ABL1: variants seen among roughly 807,000 people sequenced by gnomAD.
The protein encoded by ABL1 is ABL proto-oncogene 1, non-receptor tyrosine kinase.
A neutral mutation model predicts 94.7 loss-of-function variants in ABL1; 11 were observed. The observed-to-expected ratio is 0.12, with a 90% CI of 0.07 to 0.19. The LOEUF (loss-of-function observed/expected upper bound fraction) is 0.19, where lower values mean the gene tolerates loss of function less well. ABL1 is among the 10% of genes least tolerant of loss of function. The pLI, the probability that ABL1 is intolerant of heterozygous loss-of-function variation, is 1.00. For synonymous variants in ABL1, 656 were observed against 622.4 expected (o/e 1.05, Z -0.80); for missense variants, 1,082 against 1,489.4 (o/e 0.73, Z 4.50).
At chr9:130,845,958 G>A (rs895361248) in intron 1 of ABL1, among the ~76,000 whole-genome samples, 3 of 152,078 alleles carry the variant, frequency 2.0e-5, no homozygotes, top group African/African-American at 4.8e-5. Context: ...TCCAAGGAGC[G>A]GGGCTACTGC....
At chr9:130,784,228 G>C (rs903148350) in intron 1 of ABL1, among the ~76,000 whole-genome samples, 2 of 152,124 alleles carry the variant, frequency 1.3e-5, no homozygotes, top group African/African-American at 4.8e-5. Flanking sequence ...TGGCATCTTC[G>C]ATTTGAAGAA....
rs149806264 is a variant in ABL1, at chr9:130,724,064, C to G, written c.136+9609C>G. 4.3e-3 allele frequency among the ~76,000 whole-genome samples: 655 copies of G among 152,148 alleles called. 2 individuals carry two copies. The highest frequency in any genetic ancestry group is 0.014 in the African/African-American group (597 of 41,498). ...TGACCTCGTTATCCACCTGCCTTGG[C>G]CTTCCAAAGTGCTGGGATTACAGGC... On this transcript the variant is annotated intron_variant, in intron 1 of 10. Transcript: ENST00000372348.
At chr9:130,836,718 G>T (rs1830591680) in intron 1 of ABL1, among the ~76,000 whole-genome samples, 1 of 151,564 alleles carries the variant, frequency 6.6e-6, no homozygotes, top group Admixed American at 6.6e-5. Flanking sequence ...CCAGCTACTC[G>T]GGAGGCTGAG....
chr9:130,809,419 T>A (rs11244150), intron 1 of ABL1, among the ~76,000 whole-genome samples: 7,821 of 68,190 alleles, frequency 0.11, 200 homozygotes, highest in South Asian at 0.22. Flanking sequence ...AGAGAGAGAG[T>A]GTGTGTGTGT....
intron 1 of ABL1, among the ~76,000 whole-genome samples, chr9:130,748,929 A>G (rs1039056492): frequency 6.6e-6 from 1 of 152,158 alleles, no homozygotes; most frequent in Non-Finnish European, 1.5e-5. Context: ...CTTATTTACT[A>G]CCAAATAATC....
At chr9:130,779,589 G>C (rs760413093) in intron 1 of ABL1, among the ~76,000 whole-genome samples, 1 of 152,162 alleles carries the variant, frequency 6.6e-6, no homozygotes. Context: ...TGCTTGGGGA[G>C]GGGGAGGTTA....
intron 1 of ABL1, among the ~76,000 whole-genome samples, chr9:130,847,279 T>A (rs1209596027): frequency 1.3e-5 from 2 of 152,110 alleles, no homozygotes; most frequent in Non-Finnish European, 1.5e-5. Context: ...ACTAAAAAAA[T>A]TTAAGAATAA....
At chr9:130,786,407 A>G (rs1351453499) in intron 1 of ABL1, among the ~76,000 whole-genome samples, 1 of 152,220 alleles carries the variant, frequency 6.6e-6, no homozygotes, top group Non-Finnish European at 1.5e-5. Flanking sequence ...CTGTGATTAG[A>G]CTAATGGATG....
chr9:130,853,738 A>G (rs544161486), intron 1 of ABL1, among the ~76,000 whole-genome samples: 2 of 152,306 alleles, frequency 1.3e-5, no homozygotes, highest in East Asian at 3.9e-4. Flanking sequence ...TTCATTGCAT[A>G]TTTTAAGCAA....
intron 1 of ABL1, among the ~76,000 whole-genome samples, chr9:130,778,666 T>A (rs1829705110): frequency 6.6e-6 from 1 of 151,542 alleles, no homozygotes; most frequent in African/African-American, 2.4e-5. Context: ...CACTTTCAGA[T>A]CCCCCAGTTT....
At chr9:130,808,472 G>A (rs944819251) in intron 1 of ABL1, among the ~76,000 whole-genome samples, 5 of 152,072 alleles carry the variant, frequency 3.3e-5, no homozygotes, top group African/African-American at 1.2e-4. Flanking sequence ...TCGAACTCCT[G>A]ACCTCAGGTG....
intron 1 of ABL1, among the ~76,000 whole-genome samples, chr9:130,765,008 A>T (rs1832164004): frequency 6.6e-6 from 1 of 151,430 alleles, no homozygotes; most frequent in Non-Finnish European, 1.5e-5. Flanking sequence ...TAGTGTGCTG[A>T]TTAACCAAAG....
At chr9:130,878,874 ATTTT>A (rs943552961) in intron 8 of ABL1, among the ~76,000 whole-genome samples, 2 of 127,282 alleles carry the variant, frequency 1.6e-5, no homozygotes, top group Non-Finnish European at 3.3e-5. Flanking sequence ...TCATGAGGTG[ATTTT>A]TTTTTTTTTT....
Position 130,880,387 on chromosome 9 carries a change from A to T in ABL1, c.1514-113A>T. ...TCCGGTATCCACGTGCCTTTTCTTT[A>T]GTTGTATGCAGATGAGCACTGTTAC... On this transcript the variant is annotated intron_variant, in intron 9 of 10. Transcript: ENST00000318560. This position sits in a 1 kb window ranked among gnomAD's most constrained non-coding sequence, Gnocchi z 4.4. 1.5e-6 allele frequency: 2 copies of T among 1,316,024 alleles called. No individual in the cohort carries two copies. Among genetic ancestry groups the T allele is most frequent in the Non-Finnish European group, 2.1e-6 (2 of 949,280 alleles). The allele number at this position is 1,316,024 out of a possible 1,614,324, so 81.5% of individuals were successfully genotyped here.
chr9:130,726,048 G>T (rs1402644580), intron 1 of ABL1, among the ~76,000 whole-genome samples: 1 of 151,222 alleles, frequency 6.6e-6, no homozygotes, highest in Non-Finnish European at 1.5e-5. Context: ...ACAGAGTCTT[G>T]CTATGGTGTC....
At chr9:130,775,769 A>G (rs1832303782) in intron 1 of ABL1, among the ~76,000 whole-genome samples, 1 of 152,150 alleles carries the variant, frequency 6.6e-6, no homozygotes, top group South Asian at 2.1e-4. Context: ...GTCTTCTCCA[A>G]ATATAAGGCC....
intron 1 of ABL1, among the ~76,000 whole-genome samples, chr9:130,739,238 G>C (rs1197186469): frequency 6.6e-6 from 1 of 152,116 alleles, no homozygotes; most frequent in Non-Finnish European, 1.5e-5. Flanking sequence ...TTGTTTGTTA[G>C]TGGTAAGCTG....
At chr9:130,883,316 G>A (rs1365495688) in intron 10 of ABL1, among the ~76,000 whole-genome samples, 3 of 152,134 alleles carry the variant, frequency 2.0e-5, no homozygotes, top group Non-Finnish European at 4.4e-5. Context: ...TAACCAACAT[G>A]GTGAAACCCC....
At chr9:130,817,282 G>C (rs2855188) in intron 1 of ABL1, among the ~76,000 whole-genome samples, 1 of 152,128 alleles carries the variant, frequency 6.6e-6, no homozygotes, top group African/African-American at 2.4e-5. Context: ...TCTGCTAGCC[G>C]TAATAAAGAA....
Sources: gnomAD v4.1 joint callset for allele counts (sites outside exome capture counted in the v4.1 genomes callset) on GRCh38, gnomAD v4.1.1 for gene constraint, Gnocchi (gnomAD v3.1) non-coding constraint, MANE v1.5 for transcripts, NCBI Gene and HGNC (gene_info 2026-07-23, HGNC 2026-07-21) for gene names.